GTF2IRD1: variants seen among roughly 807,000 people sequenced by gnomAD.
GTF2IRD1 encodes GTF2I repeat domain containing 1.
A neutral mutation model predicts 113.2 loss-of-function variants in GTF2IRD1; 26 were observed. That is an observed-to-expected ratio of 0.23 (90% CI 0.17 to 0.32). The LOEUF (loss-of-function observed/expected upper bound fraction) is 0.32, where lower values mean the gene tolerates loss of function less well. Ranked by LOEUF, GTF2IRD1 falls within the 10% of genes least tolerant of loss-of-function variation. The probability of loss-of-function intolerance (pLI) is 1.00; values close to 1 mark genes in which losing one functional copy is unlikely to be tolerated. For synonymous variants in GTF2IRD1, 484 were observed against 529.1 expected, an observed-to-expected ratio of 0.91 and a Z score of 1.17; for missense variants, 864 against 1,280.8, an observed-to-expected ratio of 0.67 and a Z score of 4.97.
chr7:74,484,503 G>T (rs1794912575), intron 1 of GTF2IRD1, among the ~76,000 whole-genome samples: 1 of 144,262 alleles, frequency 6.9e-6, no homozygotes, highest in African/African-American at 2.6e-5. Context: ...CACCCACCCA[G>T]GCTGGAGCGA....
chr7:74,456,937 G>A (rs1236134014), intron 1 of GTF2IRD1, among the ~76,000 whole-genome samples: 9 of 151,990 alleles, frequency 5.9e-5, no homozygotes, highest in African/African-American at 1.7e-4. Flanking sequence ...AGACTTCCTC[G>A]TCCTCAGGGC....
intron 1 of GTF2IRD1, among the ~76,000 whole-genome samples, chr7:74,488,029 C>G (rs76110169): frequency 0.028 from 4,303 of 152,256 alleles, 203 homozygotes; most frequent in African/African-American, 0.097. Context: ...CACTCATAAT[C>G]TAGCACTTTG....
intron 20 of GTF2IRD1, among the ~76,000 whole-genome samples, chr7:74,558,501 A>AC (rs1799754590): frequency 1.3e-5 from 2 of 150,652 alleles, no homozygotes; most frequent in Non-Finnish European, 3.0e-5. Flanking sequence ...CTGGAACTAC[A>AC]CCCCACTGGG....
At chr7:74,554,971 G>A (rs1799509812) in intron 17 of GTF2IRD1, among the ~76,000 whole-genome samples, 1 of 152,116 alleles carries the variant, frequency 6.6e-6, no homozygotes, top group South Asian at 2.1e-4. Context: ...GACTGGGGGG[G>A]GTCTCACTCC....
In GTF2IRD1 at chr7:74,512,360, A is replaced by G. The variant is rs1796689734; in HGVS notation, c.124-470A>G. Reference sequence around the variant, plus strand: ...GAGTGAGACTGTGTCTCAAAAAACAAAACAAAACAGATGTGGAAACTGGAG... The same window carrying G: ...GAGTGAGACTGTGTCTCAAAAAACAGAACAAAACAGATGTGGAAACTGGAG... On this transcript the variant is annotated intron_variant, in intron 2 of 26. Coordinates refer to ENST00000424337, the MANE Select transcript of GTF2IRD1 (RefSeq NM_005685.4). This position sits in a 1 kb window ranked among gnomAD's most constrained non-coding sequence, Gnocchi z 4.4. Among the ~76,000 whole-genome samples, 1 of 152,164 alleles carries G rather than the reference A, an allele frequency of 6.6e-6. No homozygotes were observed. Among genetic ancestry groups the G allele is most frequent in the African/African-American group, 2.4e-5 (1 of 41,436 alleles).
At chr7:74,601,565 G>A in intron 26 of GTF2IRD1, 2 of 1,056,428 alleles carry the variant, frequency 1.9e-6, no homozygotes, top group Non-Finnish European at 2.6e-6. Context: ...CTGAGGTCAG[G>A]AGTTTGAGAC....
At chr7:74,576,349 T>C (rs1489758908) in intron 22 of GTF2IRD1, among the ~76,000 whole-genome samples, 1 of 150,990 alleles carries the variant, frequency 6.6e-6, no homozygotes, top group African/African-American at 2.4e-5. Flanking sequence ...TCACTTGAGA[T>C]CAGGAGTTCG....
intron 1 of GTF2IRD1, among the ~76,000 whole-genome samples, chr7:74,478,570 C>T (rs968650035): frequency 6.6e-6 from 1 of 152,166 alleles, no homozygotes; most frequent in African/African-American, 2.4e-5. Context: ...ATCCTCCCAC[C>T]TCATCCTCCT....
chr7:74,575,014 C>T (rs587628339), intron 22 of GTF2IRD1, among the ~76,000 whole-genome samples: 5 of 152,110 alleles, frequency 3.3e-5, no homozygotes, highest in East Asian at 3.9e-4. Flanking sequence ...CGCTTGAACC[C>T]GGGAGGTGGA....
chr7:74,560,512 A>T (rs1359860659), intron 22 of GTF2IRD1, among the ~76,000 whole-genome samples: 152 of 147,282 alleles, frequency 1.0e-3, no homozygotes, highest in African/African-American at 3.6e-3. Flanking sequence ...ATATATAATT[A>T]AAAATATTTA....
intron 6 of GTF2IRD1, 48 bp from the exon 7 acceptor site, chr7:74,521,160 C>A: frequency 2.7e-6 from 3 of 1,115,396 alleles, no homozygotes; most frequent in Non-Finnish European, 4.1e-6. Flanking sequence ...ATCTGGGGAA[C>A]CCTCTTGGGT....
At chr7:74,585,403 G>A (rs1390335984) in intron 22 of GTF2IRD1, among the ~76,000 whole-genome samples, 3 of 152,098 alleles carry the variant, frequency 2.0e-5, no homozygotes, top group East Asian at 3.9e-4. Context: ...GTGAGTCACC[G>A]TGCCCGGTCT....
At chr7:74,552,698 G>A (rs1324299216) in intron 17 of GTF2IRD1, among the ~76,000 whole-genome samples, 7 of 152,122 alleles carry the variant, frequency 4.6e-5, no homozygotes, top group Non-Finnish European at 7.4e-5. Context: ...AGGGGCACCC[G>A]GGCAGCTTGA....
Position 74,545,780 on chromosome 7 carries a change from A to G in GTF2IRD1, c.1703A>G (p.Gln568Arg), listed in dbSNP as rs1554353109. Residue 568 changes from glutamine (Q) to arginine (R), a missense_variant, in exon 16 of 27, where the codon CAG becomes CGG. By Grantham distance (43) the Gln-to-Arg change is conservative. Around this residue, in one of 7 missense-constraint regions of GTF2IRD1, gnomAD observed 218 missense variants for 352.6 expected, o/e 0.62. Coordinates refer to ENST00000424337, the MANE Select transcript of GTF2IRD1 (RefSeq NM_005685.4). ...GACGTGATCCGGCCCCTGCGGAAGC[A>G]GGTGGAGCTGCTCTTCAACACACGA... ...HGDVIRPLRK[Q>R]VELLFNTRYA... 2 of 1,613,466 alleles carry G rather than the reference A, an allele frequency of 1.2e-6. No individual in the cohort carries two copies. The highest frequency in any genetic ancestry group is 1.7e-5 in the Admixed American group (1 of 60,020).
intron 22 of GTF2IRD1, among the ~76,000 whole-genome samples, chr7:74,581,667 G>T (rs1801427449): frequency 1.3e-5 from 2 of 152,246 alleles, no homozygotes. Flanking sequence ...GCAGGAGCCT[G>T]GCTCTGTTGG....
At chr7:74,600,849 T>C in intron 25 of GTF2IRD1, 195 bp from the exon 26 acceptor site, 2 of 615,406 alleles carry the variant, frequency 3.2e-6, no homozygotes, top group Non-Finnish European at 2.9e-6. Context: ...GAGTGGGCCC[T>C]CGGGCTTGCT....
Position 74,528,707 on chromosome 7 carries a change from G to GTGGATGGA in GTF2IRD1, c.1091-984_1091-977dup, listed in dbSNP as rs58102974. Among the ~76,000 whole-genome samples, 1,065 of 106,864 alleles carry GTGGATGGA rather than the reference G, an allele frequency of 1.0e-2. 8 individuals carry two copies. The highest frequency in any genetic ancestry group is 0.013 in the Non-Finnish European group (706 of 55,170). 70.1% of individuals were successfully genotyped at this position (106,864 alleles called of 152,430 possible). The stretch of plus-strand genomic sequence containing the variant: ...GAGGGAGGGAGGGAAGGAAAGATGG[G>GTGGATGGA]TGGATGGATGGATGGATGGATGGAT... On this transcript the variant is annotated intron_variant, in intron 8 of 26. Transcript: ENST00000424337.
At chr7:74,480,966 A>T (rs1431148676) in intron 1 of GTF2IRD1, among the ~76,000 whole-genome samples, 3 of 152,044 alleles carry the variant, frequency 2.0e-5, no homozygotes, top group Non-Finnish European at 4.4e-5. Context: ...CAGGCCTCAG[A>T]TCGGCTTCCC....
chr7:74,458,904 C>G (rs1554328224), intron 1 of GTF2IRD1, among the ~76,000 whole-genome samples: 1 of 144,172 alleles, frequency 6.9e-6, no homozygotes, highest in Admixed American at 7.0e-5. Flanking sequence ...AGTGATTGGC[C>G]CTCCTTGGCC....
Sources: allele counts gnomAD v4.1 joint callset (sites outside exome capture counted in the v4.1 genomes callset), GRCh38; gene constraint gnomAD v4.1.1; regional missense constraint gnomAD v4.1.1; non-coding constraint Gnocchi (gnomAD v3.1); transcripts MANE v1.5; gene names NCBI Gene and HGNC (gene_info 2026-07-23, HGNC 2026-07-21).